The following PACRG variants were observed in gnomAD, a reference collection of about 807,000 sequenced individuals.
PACRG encodes the protein parkin coregulated.
Under a neutral mutation model 29.7 loss-of-function variants are expected in PACRG, and 29 were observed. That is an observed-to-expected ratio of 0.98 (90% confidence interval 0.73 to 1.33). The LOEUF is 1.33. PACRG is among the 40% of genes most tolerant of loss of function. The pLI, the probability that PACRG is intolerant of heterozygous loss-of-function variation, is 0.00. For missense variants in PACRG, 279 were observed against 316.2 expected (o/e 0.88, Z 0.89); for synonymous variants, 116 against 118.7 (o/e 0.98, Z 0.15).
At chr6:163,141,701 AT>A (rs1817159256) in intron 4 of PACRG, among the ~76,000 whole-genome samples, 1 of 152,140 alleles carries the variant, frequency 6.6e-6, no homozygotes, top group African/African-American at 2.4e-5. Flanking sequence ...AAAGAGGGGC[AT>A]CGTAGGATAA....
At chr6:163,128,195 A>G (rs1216121973) in intron 4 of PACRG, among the ~76,000 whole-genome samples, 8 of 152,244 alleles carry the variant, frequency 5.3e-5, no homozygotes, top group Non-Finnish European at 1.2e-4. Flanking sequence ...ATATTAATCT[A>G]GGCTTTCTTT....
At chr6:162,939,700 TG>T (rs2128117007) in intron 2 of PACRG, among the ~76,000 whole-genome samples, 1 of 151,974 alleles carries the variant, frequency 6.6e-6, no homozygotes, top group Non-Finnish European at 1.5e-5. Flanking sequence ...TGTGTGTGTG[TG>T]TCACTTAGCT....
At chr6:163,130,596 T>C (rs1195283874) in intron 4 of PACRG, among the ~76,000 whole-genome samples, 1 of 152,188 alleles carries the variant, frequency 6.6e-6, no homozygotes, top group Non-Finnish European at 1.5e-5. Context: ...TGCACAATAA[T>C]GTCAAGACTT....
intron 1 of PACRG, among the ~76,000 whole-genome samples, chr6:162,792,341 A>G (rs897753879): frequency 6.6e-6 from 1 of 152,114 alleles, no homozygotes; most frequent in Non-Finnish European, 1.5e-5. Context: ...AAGGGAAATA[A>G]TTGGATTTTC....
At chr6:162,883,204 A>G (rs1794048847) in intron 2 of PACRG, among the ~76,000 whole-genome samples, 1 of 151,662 alleles carries the variant, frequency 6.6e-6, no homozygotes, top group Non-Finnish European at 1.5e-5. Flanking sequence ...TAAAAATGTG[A>G]TTTCACATAA....
chr6:162,939,684 TG>T (rs1798482327), intron 2 of PACRG, among the ~76,000 whole-genome samples: 1 of 151,026 alleles, frequency 6.6e-6, no homozygotes, highest in African/African-American at 2.5e-5. Flanking sequence ...GACGTGTGTG[TG>T]TGTGTGTGTG....
In PACRG at chr6:163,044,469, C is replaced by T. The variant is rs187007536; in HGVS notation, c.292-17681C>T. Among the ~76,000 whole-genome samples the T allele has an allele frequency of 2.0e-5, 3 of 152,192 alleles. No homozygotes were observed. The East Asian group carries it at 5.8e-4, about 29-fold the overall frequency. On this transcript the variant is annotated intron_variant, in intron 2 of 4. Transcript: ENST00000366888. ...GACATGAATCATAGCACCTGGCTGA[C>T]AATTATTAAAACTACAAAAACCTGA... is the stretch of plus-strand genomic sequence containing the variant.
intron 1 of PACRG, among the ~76,000 whole-genome samples, chr6:162,747,404 A>AAAAC (rs1189894326): frequency 0.15 from 2,872 of 19,248 alleles, 654 homozygotes; most frequent in African/African-American, 0.41. Context: ...ATATATATGT[A>AAAAC]TATATATATA....
chr6:163,165,674 G>T, intron 4 of PACRG: 1 of 204,568 alleles, frequency 4.9e-6, no homozygotes, highest in South Asian at 8.1e-5. Context: ...AGCGTGGGGT[G>T]AGCAAGGAGG....
At chr6:162,753,543 A>G (rs1035320218) in intron 1 of PACRG, among the ~76,000 whole-genome samples, 5 of 152,212 alleles carry the variant, frequency 3.3e-5, no homozygotes, top group African/African-American at 1.2e-4. Context: ...ACTATTGTGA[A>G]TGATATGGTT....
At chr6:163,213,845 G>T (rs1484304230) in intron 4 of PACRG, among the ~76,000 whole-genome samples, 1 of 150,346 alleles carries the variant, frequency 6.7e-6, no homozygotes, top group Non-Finnish European at 1.5e-5. Flanking sequence ...TTAATTATTT[G>T]CTCTAACTGA....
At chr6:163,194,773 T>G (rs1780370417) in intron 4 of PACRG, among the ~76,000 whole-genome samples, 1 of 152,204 alleles carries the variant, frequency 6.6e-6, no homozygotes, top group Non-Finnish European at 1.5e-5. Context: ...CATGCAGGCC[T>G]ACTGGGCCAC....
chr6:162,727,534 G>C, upstream of PACRG: 2 of 1,066,072 alleles, frequency 1.9e-6, no homozygotes. Flanking sequence ...GGCCGGGGAC[G>C]GCACGGGCAC....
At position 163,015,432 on chromosome 6, in the gene PACRG, G is replaced by T. The variant is rs143681749; in HGVS notation, c.292-46718G>T. On this transcript the variant is annotated intron_variant, in intron 2 of 4. Coordinates refer to ENST00000366888, the MANE Select transcript of PACRG (RefSeq NM_001080379.2). ...AAGAATAGTGTTGAATCTGGGGATT[G>T]CTTTAGACAGTATGGTCATTTTAAT... Among the ~76,000 whole-genome samples the T allele has an allele frequency of 2.6e-3, 399 of 152,258 alleles. 1 individual carries two copies. Among genetic ancestry groups the T allele is most frequent in the Non-Finnish European group, 4.3e-3 (290 of 68,012 alleles).
At chr6:162,799,888 T>C (rs1204322216) in intron 1 of PACRG, among the ~76,000 whole-genome samples, 1 of 152,232 alleles carries the variant, frequency 6.6e-6, no homozygotes, top group Non-Finnish European at 1.5e-5. Flanking sequence ...AAGATATATG[T>C]TTAGATATAA....
chr6:163,045,614 C>A (rs187714872), intron 2 of PACRG, among the ~76,000 whole-genome samples: 2 of 139,182 alleles, frequency 1.4e-5, no homozygotes, highest in African/African-American at 2.7e-5. Flanking sequence ...TGAGCTACTG[C>A]GCCCAGCTTT....
chr6:162,893,343 T>C (rs923591132), intron 2 of PACRG, among the ~76,000 whole-genome samples: 1 of 151,728 alleles, frequency 6.6e-6, no homozygotes, highest in African/African-American at 2.4e-5. Context: ...CAGGGCAGGG[T>C]AAATGGATGG....
At chr6:163,112,604 C>T (rs58708547) in intron 4 of PACRG, among the ~76,000 whole-genome samples, 7,122 of 152,128 alleles carry the variant, frequency 0.047, 584 homozygotes, top group African/African-American at 0.16. Flanking sequence ...GGAAACCAGG[C>T]ATTTAAAAGC....
chr6:162,773,945 G>A (rs1353412405), intron 1 of PACRG, among the ~76,000 whole-genome samples: 2 of 152,018 alleles, frequency 1.3e-5, no homozygotes, highest in African/African-American at 2.4e-5. Context: ...TTAAAAAAAT[G>A]AACAAAAAAT....
Sources: allele counts gnomAD v4.1 joint callset (sites outside exome capture counted in the v4.1 genomes callset), GRCh38; gene constraint gnomAD v4.1.1; transcripts MANE v1.5; gene names NCBI Gene and HGNC (gene_info 2026-07-23, HGNC 2026-07-21).